AUTS2: variants seen among roughly 807,000 people sequenced by gnomAD.
The protein encoded by AUTS2 is activator of transcription and developmental regulator AUTS2, also known as autism susceptibility gene 2 protein.
In AUTS2, 17 loss-of-function variants were observed where a neutral mutation model predicts 112.4. The observed-to-expected ratio is 0.15, with a 90% CI of 0.10 to 0.23. AUTS2 has a LOEUF of 0.23. Ranked by LOEUF, AUTS2 falls within the 10% of genes least tolerant of loss-of-function variation. The probability of loss-of-function intolerance (pLI) is 1.00; values close to 1 mark genes in which losing one functional copy is unlikely to be tolerated. For missense variants in AUTS2, 1,510 were observed against 1,701.6 expected, an observed-to-expected ratio of 0.89 and a Z score of 1.98; for synonymous variants, 751 against 702.7, an observed-to-expected ratio of 1.07 and a Z score of -1.09.
intron 4 of AUTS2, among the ~76,000 whole-genome samples, chr7:70,345,844 A>C (rs1165208368): frequency 6.6e-6 from 1 of 152,224 alleles, no homozygotes; most frequent in Non-Finnish European, 1.5e-5. Context: ...ATTTACTTCA[A>C]GCCTGATGAT....
chr7:70,467,638 A>G, intron 5 of AUTS2, among the ~76,000 whole-genome samples: 1 of 152,224 alleles, frequency 6.6e-6, no homozygotes, highest in Non-Finnish European at 1.5e-5. Flanking sequence ...ATACAACCCA[A>G]CAGGGTGGTT....
At chr7:69,767,010 A>C (rs190807621) in intron 1 of AUTS2, among the ~76,000 whole-genome samples, 7 of 152,338 alleles carry the variant, frequency 4.6e-5, no homozygotes, top group African/African-American at 1.7e-4. Flanking sequence ...TATATGCTTG[A>C]GGAAGAACTG....
chr7:69,847,417 A>G (rs1365274521), intron 1 of AUTS2, among the ~76,000 whole-genome samples: 1 of 152,120 alleles, frequency 6.6e-6, no homozygotes, highest in African/African-American at 2.4e-5. Context: ...CATGGGGAAA[A>G]CTTTGCATTT....
chr7:70,543,124 C>G (rs1017132130), intron 5 of AUTS2, among the ~76,000 whole-genome samples: 2 of 152,088 alleles, frequency 1.3e-5, no homozygotes, highest in African/African-American at 4.8e-5. Flanking sequence ...CTATTCTGAG[C>G]AGGATGACAG....
intron 2 of AUTS2, among the ~76,000 whole-genome samples, chr7:69,911,816 G>T (rs1795371381): frequency 6.6e-6 from 1 of 152,180 alleles, no homozygotes; most frequent in Admixed American, 6.5e-5. Context: ...TGGCCAAATG[G>T]TCATCAATGA....
intron 1 of AUTS2, among the ~76,000 whole-genome samples, chr7:69,802,009 T>G (rs1280213873): frequency 1.3e-5 from 2 of 152,120 alleles, no homozygotes; most frequent in East Asian, 3.9e-4. Flanking sequence ...GTAAGCCAGG[T>G]GGGTATTTGG....
chr7:70,416,251 C>G (rs1369903975), intron 4 of AUTS2, among the ~76,000 whole-genome samples: 1 of 152,172 alleles, frequency 6.6e-6, no homozygotes, highest in Non-Finnish European at 1.5e-5. Flanking sequence ...TAGTCTATGC[C>G]TTCAATAGCA....
chr7:70,630,857 G>A (rs769368118), intron 5 of AUTS2, among the ~76,000 whole-genome samples: 2 of 152,064 alleles, frequency 1.3e-5, no homozygotes, highest in Non-Finnish European at 2.9e-5. Context: ...TGCCTTTTAC[G>A]AAGAGCACTT....
intron 5 of AUTS2, among the ~76,000 whole-genome samples, chr7:70,444,342 A>ATGTGTG (rs1796232709): frequency 2.9e-5 from 3 of 105,122 alleles, no homozygotes; most frequent in Non-Finnish European, 6.2e-5. Flanking sequence ...TTGGTCATGT[A>ATGTGTG]CGTGTGTGTG....
chr7:69,685,381 G>A (rs1341456772), intron 1 of AUTS2, among the ~76,000 whole-genome samples: 1 of 152,184 alleles, frequency 6.6e-6, no homozygotes, highest in African/African-American at 2.4e-5. Context: ...AGAGAAAATT[G>A]AAAGTAGGTC....
At chr7:70,679,147 G>A (rs1808078476) in intron 5 of AUTS2, among the ~76,000 whole-genome samples, 1 of 152,138 alleles carries the variant, frequency 6.6e-6, no homozygotes, top group Non-Finnish European at 1.5e-5. Flanking sequence ...GTTTTTGGGT[G>A]TTATTCTCAC....
At chr7:69,734,062 A>C (rs1786922060) in intron 1 of AUTS2, among the ~76,000 whole-genome samples, 1 of 152,140 alleles carries the variant, frequency 6.6e-6, no homozygotes, top group Non-Finnish European at 1.5e-5. Context: ...TAATATTTAG[A>C]GTCATAAAAT....
intron 6 of AUTS2, among the ~76,000 whole-genome samples, chr7:70,705,364 G>A (rs533215014): frequency 2.6e-5 from 4 of 152,252 alleles, no homozygotes; most frequent in South Asian, 4.1e-4. Context: ...AATCCGCTCC[G>A]TGCATTTCGG....
At chr7:69,793,802 A>T (rs546260619) in intron 1 of AUTS2, among the ~76,000 whole-genome samples, 22 of 152,218 alleles carry the variant, frequency 1.4e-4, no homozygotes, top group Admixed American at 2.6e-4. Flanking sequence ...AAAGCTTCCT[A>T]CATGATTTTA....
At chr7:70,347,972 T>C (rs965539104) in intron 4 of AUTS2, among the ~76,000 whole-genome samples, 29 of 152,228 alleles carry the variant, frequency 1.9e-4, no homozygotes, top group African/African-American at 7.0e-4. Flanking sequence ...TCACCAGTTA[T>C]AGGCTTGAGT....
intron 5 of AUTS2, among the ~76,000 whole-genome samples, chr7:70,499,596 C>T (rs574657857): frequency 2.6e-5 from 4 of 152,340 alleles, no homozygotes; most frequent in Admixed American, 2.6e-4. Flanking sequence ...GGTGGGTTTC[C>T]CACCTCAGCC....
At chr7:69,897,697 C>T (rs1389345374) in intron 1 of AUTS2, among the ~76,000 whole-genome samples, 1 of 152,036 alleles carries the variant, frequency 6.6e-6, no homozygotes, top group Admixed American at 6.6e-5. Flanking sequence ...GCGGAGGTTA[C>T]AGTGAGCCAA....
chr7:70,708,917 C>CT (rs34290500), intron 6 of AUTS2, among the ~76,000 whole-genome samples: 2,624 of 134,630 alleles, frequency 0.019, 23 homozygotes, highest in Non-Finnish European at 0.023. Flanking sequence ...TGTTTAAATA[C>CT]TTTTTTTTTT....
intron 5 of AUTS2, among the ~76,000 whole-genome samples, chr7:70,634,436 G>A (rs569019438): frequency 1.3e-5 from 2 of 152,190 alleles, no homozygotes; most frequent in Non-Finnish European, 2.9e-5. Context: ...CCCATTTGCT[G>A]TTCGGCGGGC....
Sources: gnomAD v4.1 joint callset for allele counts (sites outside exome capture counted in the v4.1 genomes callset) on GRCh38, gnomAD v4.1.1 for gene constraint, MANE v1.5 for transcripts, NCBI Gene and HGNC (gene_info 2026-07-23, HGNC 2026-07-21) for gene names.